The following NMUR1 variants were observed in gnomAD, a reference collection of about 807,000 sequenced individuals.
NMUR1 encodes the protein neuromedin U receptor 1, also known as neuromedin-U receptor 1.
In NMUR1, 16 loss-of-function variants were observed where a neutral mutation model predicts 18.8. The observed-to-expected ratio is 0.85, with a 90% CI of 0.58 to 1.29. The LOEUF is 1.29. Among genes scored for constraint, NMUR1 ranks in the 50% most tolerant of loss-of-function variants. The pLI, the probability that NMUR1 is intolerant of heterozygous loss-of-function variation, is 0.00. For missense variants in NMUR1, 529 were observed against 580.3 expected, an observed-to-expected ratio of 0.91 and a Z score of 0.91; for synonymous variants, 258 against 258.2, an observed-to-expected ratio of 1.00 and a Z score of 0.01.
downstream of NMUR1, among the ~76,000 whole-genome samples, chr2:231,518,610 A>AT (rs1233084332): frequency 4.3e-5 from 6 of 140,062 alleles, no homozygotes; most frequent in East Asian, 1.4e-3. Context: ...AATGGAAGTA[A>AT]TTTTTTTTGG....
chr2:231,527,365 G>A (rs2047366634), intron 2 of NMUR1, among the ~76,000 whole-genome samples: 4 of 152,180 alleles, frequency 2.6e-5, no homozygotes, highest in Admixed American at 2.6e-4. Flanking sequence ...AAAGAGAGCC[G>A]GGTGCAATGG....
intron 2 of NMUR1, 126 bp from the exon 3 acceptor site, chr2:231,525,551 C>A: frequency 1.8e-6 from 2 of 1,119,874 alleles, no homozygotes; most frequent in Admixed American, 2.9e-5. Context: ...ACCTATCACC[C>A]AGGTGGAAGT....
In NMUR1 at chr2:231,523,888, C is replaced by A. The variant is rs1223855074; in HGVS notation, c.*1155G>T. Reference sequence around the variant, plus strand: ...ACTCCTTGCCCTTGGTTGGCCATGTCTCTTGCCCTCAGAGACCCTCTGGCC... The same window carrying A: ...ACTCCTTGCCCTTGGTTGGCCATGTATCTTGCCCTCAGAGACCCTCTGGCC... On this transcript the variant is annotated 3_prime_UTR_variant, in exon 3 of 3. Transcript: ENST00000305141. The A allele has an allele frequency of 6.5e-6, 1 of 152,698 alleles. No individual in the cohort carries two copies. Among genetic ancestry groups the A allele is most frequent in the Non-Finnish European group, 1.5e-5 (1 of 68,102 alleles). 9.5% of individuals were successfully genotyped at this position (152,698 alleles called of 1,614,324 possible). A position where few individuals can be genotyped will look rare whatever the true frequency, so the allele number is the denominator to read the frequency against.
rs561296009 is a variant in NMUR1, at chr2:231,525,360, C to T, written c.964G>A (p.Val322Ile). 4.9e-4 allele frequency: 783 copies of T among 1,614,106 alleles called. 9 individuals are homozygous for T. The South Asian group carries it at 7.9e-3, about 16-fold the overall frequency. ...PFHADRVMWS[V>I]VSQWTDGLHL... The stretch of plus-strand genomic sequence containing the variant: ...AGGCCATCTGTCCACTGTGACACGA[C>T]GCTCCACATGACGCGGTCGGCGTGG... The change falls in exon 3 of 3, where the codon GTC becomes ATC. Residue 322 changes from valine (V) to isoleucine (I), a missense_variant. Physicochemically the swap from Val to Ile is conservative, Grantham distance 29. Coordinates refer to ENST00000305141, the MANE Select transcript of NMUR1 (RefSeq NM_006056.5).
rs2047336617 is a variant in NMUR1, at chr2:231,524,671, G to A, written c.*372C>T. 2 of 209,838 alleles carry A rather than the reference G, an allele frequency of 9.5e-6. No individual in the cohort carries two copies. The highest frequency in any genetic ancestry group is 2.1e-4 in the East Asian group (2 of 9,372). 13.0% of individuals were successfully genotyped at this position (209,838 alleles called of 1,614,324 possible). A position where few individuals can be genotyped will look rare whatever the true frequency, so the allele number is the denominator to read the frequency against. On this transcript the variant is annotated 3_prime_UTR_variant, in exon 3 of 3. Coordinates refer to ENST00000305141, the MANE Select transcript of NMUR1 (RefSeq NM_006056.5). ...TGGGCCCCTGCCAGAACCTGAACAG[G>A]AACTGGGAAGGACAGTGAGGACCCA...
Position 231,526,249 on chromosome 2 carries a change from G to A in NMUR1, c.899-824C>T, listed in dbSNP as rs565489279. On this transcript the variant is annotated intron_variant, in intron 2 of 2. Transcript: ENST00000305141. ...TTCCTTGTTTCTTGGGTTTGCTGCT[G>A]CAACTCACTAGCTTTCCTGGGCAGT... Among the ~76,000 whole-genome samples the A allele has an allele frequency of 9.8e-5, 15 of 152,328 alleles. No individual in the cohort carries two copies. In the South Asian group the frequency reaches 2.9e-3, roughly 29 times the overall value.
In NMUR1 at chr2:231,528,926, C is replaced by T; in HGVS notation, c.95G>A (p.Arg32Lys). ...CAAGTCCTCAGGGTCAAAGTGCCCC[C>T]TGGCCGCACTGCCATTGCAAGCCAT... is the stretch of plus-strand genomic sequence containing the variant. ...NPMACNGSAA[R>K]GHFDPEDLNL... Residue 32 changes from arginine to lysine, a missense_variant, in exon 2 of 3, where the codon AGG becomes AAG. Physicochemically the swap from Arg to Lys is conservative, Grantham distance 26. Transcript: ENST00000305141. The T allele has an allele frequency of 6.2e-7, 1 of 1,614,194 alleles. No homozygotes were observed. Among genetic ancestry groups the T allele is most frequent in the Non-Finnish European group, 8.5e-7 (1 of 1,180,022 alleles).
At chr2:231,530,086 G>A (rs1056042859) in intron 1 of NMUR1, among the ~76,000 whole-genome samples, 4 of 152,176 alleles carry the variant, frequency 2.6e-5, no homozygotes, top group Non-Finnish European at 2.9e-5. Flanking sequence ...CAGCAGCGCG[G>A]GAGCCTCGGG....
At position 231,525,401 on chromosome 2, in the gene NMUR1, A is replaced by G; in HGVS notation, c.923T>C (p.Ile308Thr). The change falls in exon 3 of 3, where the codon ATC becomes ACC. Residue 308 changes from isoleucine to threonine, a missense_variant. By Grantham distance (89) the Ile-to-Thr change is moderately conservative (BLOSUM62 -1). Coordinates refer to ENST00000305141, the MANE Select transcript of NMUR1 (RefSeq NM_006056.5). ...MLFVLVVVFG[I>T]CWAPFHADRV... ...GTCGGCGTGGAACGGGGCCCAGCAG[A>G]TGCCAAACACCACGACCAGGACAAC... 6.2e-7 allele frequency: 1 copy of G among 1,612,544 alleles called. No homozygotes were observed. Among genetic ancestry groups the G allele is most frequent in the African/African-American group, 1.3e-5 (1 of 75,044 alleles).
chr2:231,525,393 C>T lies in NMUR1; in HGVS notation c.931G>A (p.Ala311Thr). Reference sequence around the variant, plus strand: ...ATGACGCGGTCGGCGTGGAACGGGGCCCAGCAGATGCCAAACACCACGACC... The same window carrying T: ...ATGACGCGGTCGGCGTGGAACGGGGTCCAGCAGATGCCAAACACCACGACC... ...VLVVVFGICW[A>T]PFHADRVMWS... Residue 311 changes from alanine to threonine, a missense_variant, in exon 3 of 3, where the codon GCC becomes ACC. By Grantham distance (58) the Ala-to-Thr change is moderately conservative. Transcript: ENST00000305141. 6.2e-7 allele frequency: 1 copy of T among 1,612,936 alleles called. No individual in the cohort carries two copies.
downstream of NMUR1, among the ~76,000 whole-genome samples, chr2:231,521,627 G>A (rs539199651): frequency 2.0e-5 from 3 of 152,220 alleles, no homozygotes; most frequent in East Asian, 5.8e-4. Flanking sequence ...TGGAGAAGAG[G>A]GGAAGTAGAA....
rs543838171 is a variant in NMUR1 at position 231,524,889 on chromosome 2, G to A, written c.*154C>T. On this transcript the variant is annotated 3_prime_UTR_variant, in exon 3 of 3. Coordinates refer to ENST00000305141, the MANE Select transcript of NMUR1 (RefSeq NM_006056.5). ...GCAGTCAGGGATCCCTCCTCCTGCT[G>A]TTTCCCTCTGAGGGAAACTGAGGTG... 1.1e-5 allele frequency: 11 copies of A among 985,880 alleles called. No homozygotes were observed. The highest frequency in any genetic ancestry group is 2.6e-5 in the East Asian group (1 of 37,920). The allele number at this position is 985,880 out of a possible 1,614,324, so 61.1% of individuals were successfully genotyped here. A position where few individuals can be genotyped will look rare whatever the true frequency, so the allele number is the denominator to read the frequency against.
At position 231,525,233 on chromosome 2, in the gene NMUR1, C is replaced by G. The variant is rs375241123; in HGVS notation, c.1091G>C (p.Arg364Pro). Residue 364 changes from arginine (R) to proline (P), a missense_variant, in exon 3 of 3, where the codon CGA (arginine) becomes CCA (proline). Transcript: ENST00000305141. Reference protein sequence around the residue: ...VLYSLMSSRFRETFQEALCLG... With the variant: ...VLYSLMSSRFPETFQEALCLG... ...GCACAGGGCCTCCTGGAAGGTCTCT[C>G]GGAAGCGGCTGGACATGAGGCTATA... 1.2e-6 allele frequency: 2 copies of G among 1,614,012 alleles called. No individual in the cohort carries two copies. Among genetic ancestry groups the G allele is most frequent in the African/African-American group, 1.3e-5 (1 of 74,914 alleles).
At chr2:231,530,285 T>C in intron 1 of NMUR1, 74 bp downstream of exon 1, 1 of 1,485,222 alleles carries the variant, frequency 6.7e-7, no homozygotes, top group Non-Finnish European at 8.9e-7. Flanking sequence ...CTTCCCGCCC[T>C]AGGACGACCC....
At chr2:231,520,952 C>T (rs1270426209), downstream of NMUR1, among the ~76,000 whole-genome samples, 2 of 152,186 alleles carry the variant, frequency 1.3e-5, no homozygotes, top group African/African-American at 2.4e-5. Context: ...TTCCAGTGTA[C>T]TCACCCTCAG....
chr2:231,522,290 G>A (rs2047312394), downstream of NMUR1, among the ~76,000 whole-genome samples: 1 of 151,458 alleles, frequency 6.6e-6, no homozygotes. Flanking sequence ...CGGCCCAGAG[G>A]GCACCCTTCT....
At chr2:231,530,059 C>T (rs945117929) in intron 1 of NMUR1, among the ~76,000 whole-genome samples, 1 of 152,244 alleles carries the variant, frequency 6.6e-6, no homozygotes, top group Non-Finnish European at 1.5e-5. Flanking sequence ...CTCCCGCCCG[C>T]CCTCACCCCC....
downstream of NMUR1, among the ~76,000 whole-genome samples, chr2:231,520,609 A>C (rs1333311617): frequency 6.6e-6 from 1 of 152,236 alleles, no homozygotes; most frequent in East Asian, 1.9e-4. Context: ...TCCTCTCTAC[A>C]AGGAAATTTG....
rs754631849 is a variant in NMUR1, at chr2:231,528,663, C to T, written c.358G>A (p.Glu120Lys). 6.8e-6 allele frequency: 11 copies of T among 1,614,128 alleles called. No individual in the cohort carries two copies. The highest frequency in any genetic ancestry group is 1.7e-5 in the Admixed American group (1 of 60,016). Residue 120 changes from glutamate to lysine, a missense_variant, in exon 2 of 3, where the codon GAG becomes AAG. Transcript: ENST00000305141. ...AGGAAGGGGTAGTTGTGCCACATCTCATAGAGCTCCAGGGGCAGGCCCACC... is the reference window on the plus strand; with the variant it reads ...AGGAAGGGGTAGTTGTGCCACATCTTATAGAGCTCCAGGGGCAGGCCCACC... ...LLVGLPLELY[E>K]MWHNYPFLLG...
Sources: gnomAD v4.1 joint callset for allele counts (sites outside exome capture counted in the v4.1 genomes callset) on GRCh38, gnomAD v4.1.1 for gene constraint, MANE v1.5 for transcripts, NCBI Gene and HGNC (gene_info 2026-07-23, HGNC 2026-07-21) for gene names.